The following KIF27 variants were observed in gnomAD, a reference collection of about 807,000 sequenced individuals.
KIF27 encodes the protein kinesin family member 27, also known as kinesin-like protein KIF27.
KIF27 carries 84 observed loss-of-function variants against 141.8 expected under a neutral mutation model. The observed-to-expected ratio is 0.59, with a 90% confidence interval of 0.50 to 0.71. KIF27 has a LOEUF of 0.71. Among genes scored for constraint, KIF27 ranks in the 30% least tolerant of loss-of-function variants. The pLI is 0.00. For synonymous variants in KIF27, 471 were observed against 569.5 expected, an observed-to-expected ratio of 0.83 and a Z score of 2.46; for missense variants, 1,306 against 1,628.4, an observed-to-expected ratio of 0.80 and a Z score of 3.41.
chr9:83,910,080 TAC>T lies in KIF27; in HGVS notation c.299-1430_299-1429del, dbSNP rs537682165. On this transcript the variant is annotated intron_variant, in intron 2 of 17. Coordinates refer to ENST00000297814, the MANE Select transcript of KIF27 (RefSeq NM_017576.4). ...ATACATACATACATACATACATACA[TAC>T]ATACGTACGTACTTACATACATAAT... Among the ~76,000 whole-genome samples the T allele has an allele frequency of 6.8e-3, 1,032 of 151,982 alleles. 5 individuals are homozygous for T. Among genetic ancestry groups the T allele is most frequent in the Non-Finnish European group, 0.011 (762 of 67,976 alleles).
At chr9:83,850,617 C>T (rs1948445700) in intron 15 of KIF27, among the ~76,000 whole-genome samples, 1 of 151,448 alleles carries the variant, frequency 6.6e-6, no homozygotes, top group African/African-American at 2.4e-5. Context: ...CCCGTCTCTA[C>T]TAAAAAATAT....
chr9:83,872,953 C>A (rs1159581716), intron 11 of KIF27, among the ~76,000 whole-genome samples: 1 of 152,158 alleles, frequency 6.6e-6, no homozygotes. Flanking sequence ...AGGAAAGAGA[C>A]CCCAGTTGGA....
intron 15 of KIF27, 93 bp from the exon 16 acceptor site, chr9:83,850,390 T>C: frequency 1.3e-6 from 1 of 744,388 alleles, no homozygotes; most frequent in Admixed American, 2.7e-5. Flanking sequence ...TGAACTTCCT[T>C]AATCTCCATA....
chr9:83,909,576 T>C (rs761623183), intron 2 of KIF27, among the ~76,000 whole-genome samples: 58 of 145,412 alleles, frequency 4.0e-4, no homozygotes, highest in Non-Finnish European at 7.1e-4. Flanking sequence ...ACAGTGCCAC[T>C]GTACTCCAGC....
At chr9:83,873,353 T>C (rs1331401346) in intron 11 of KIF27, among the ~76,000 whole-genome samples, 14 of 152,096 alleles carry the variant, frequency 9.2e-5, no homozygotes, top group African/African-American at 3.4e-4. Context: ...GAGAGAAGCA[T>C]AGGGAAGAGG....
chr9:83,868,577 C>G (rs1334064569), intron 12 of KIF27: 1 of 152,080 alleles, frequency 6.6e-6, no homozygotes, highest in Non-Finnish European at 1.5e-5. Context: ...GAAACAAATA[C>G]AAACATAAAT....
chr9:83,897,851 C>T (rs973394587), intron 5 of KIF27, among the ~76,000 whole-genome samples: 8 of 151,944 alleles, frequency 5.3e-5, no homozygotes, highest in African/African-American at 1.9e-4. Flanking sequence ...GAAAAAAATG[C>T]TCAACCTCAC....
chr9:83,899,972 G>GACTC (rs1953696087), intron 4 of KIF27, among the ~76,000 whole-genome samples, 168 bp from the exon 5 acceptor site: 1 of 152,186 alleles, frequency 6.6e-6, no homozygotes, highest in Non-Finnish European at 1.5e-5. Context: ...AAAGAGTTGA[G>GACTC]AGAACCTACC....
At position 83,915,309 on chromosome 9, in the gene KIF27, C is replaced by T; in HGVS notation, c.283G>A (p.Gly95Arg). The T allele has an allele frequency of 6.2e-7, 1 of 1,606,710 alleles. No individual in the cohort carries two copies. The highest frequency in any genetic ancestry group is 8.5e-7 in the Non-Finnish European group (1 of 1,176,368). ...AGAATCTTACCAATATGGCCCCCTC[C>T]AATGGTGTATGTCTTCCCAGATCCA... The part of the protein sequence containing the change: ...QTGSGKTYTI[G>R]GGHIASVVEG... Residue 95 changes from glycine to arginine, a missense_variant, in exon 2 of 18, where the codon GGA becomes AGA. By Grantham distance (125) the Gly-to-Arg change is moderately radical. Coordinates refer to ENST00000297814, the MANE Select transcript of KIF27 (RefSeq NM_017576.4).
chr9:83,919,626 G>C (rs1956055498), intron 1 of KIF27, among the ~76,000 whole-genome samples: 1 of 151,646 alleles, frequency 6.6e-6, no homozygotes, highest in South Asian at 2.1e-4. Flanking sequence ...CCAGCACGGT[G>C]GTTCACATCT....
At chr9:83,908,723 GTTAA>G (rs1954832279) in intron 2 of KIF27, 71 bp from the exon 3 acceptor site, 1 of 881,236 alleles carries the variant, frequency 1.1e-6, no homozygotes, top group Non-Finnish European at 1.7e-6. Context: ...CAAATTTATA[GTTAA>G]TTTATTTTAC....
chr9:83,868,768 T>C (rs1326499955), intron 12 of KIF27, among the ~76,000 whole-genome samples: 1 of 152,044 alleles, frequency 6.6e-6, no homozygotes, highest in Non-Finnish European at 1.5e-5. Context: ...TGAATATATA[T>C]GAGAAAAAGA....
chr9:83,897,475 C>CTA (rs1172872220), intron 5 of KIF27, among the ~76,000 whole-genome samples: 1 of 151,974 alleles, frequency 6.6e-6, no homozygotes, highest in Non-Finnish European at 1.5e-5. Flanking sequence ...TCCTGGAGGA[C>CTA]TATACAGCTA....
chr9:83,915,033 A>G (rs1955553110), intron 2 of KIF27, among the ~76,000 whole-genome samples: 1 of 152,202 alleles, frequency 6.6e-6, no homozygotes, highest in Non-Finnish European at 1.5e-5. Flanking sequence ...TCTGTTCAAA[A>G]TAACAAGGGC....
At chr9:83,858,994 G>C (rs1388020434) in intron 14 of KIF27, 162 bp downstream of exon 14, 1 of 638,910 alleles carries the variant, frequency 1.6e-6, no homozygotes, top group Non-Finnish European at 2.8e-6. Context: ...GTCCAGCGTG[G>C]TTTATGGTGC....
At chr9:83,890,614 T>C (rs1405240288) in intron 6 of KIF27, among the ~76,000 whole-genome samples, 1 of 152,212 alleles carries the variant, frequency 6.6e-6, no homozygotes, top group Non-Finnish European at 1.5e-5. Flanking sequence ...GCAAAGTCCA[T>C]GACACTGCTC....
At chr9:83,897,057 T>G (rs1588225524) in intron 5 of KIF27, among the ~76,000 whole-genome samples, 1 of 152,268 alleles carries the variant, frequency 6.6e-6, no homozygotes, top group Non-Finnish European at 1.5e-5. Context: ...ATTGTATATT[T>G]GAAGGGCTGC....
chr9:83,899,579 C>A (rs543719973), intron 5 of KIF27, 82 bp downstream of exon 5: 16 of 957,522 alleles, frequency 1.7e-5, no homozygotes, highest in Admixed American at 1.6e-4. Flanking sequence ...TTTAAGTTCC[C>A]ATTTATCATT....
intron 2 of KIF27, among the ~76,000 whole-genome samples, chr9:83,909,102 C>T (rs538691929): frequency 1.3e-5 from 2 of 152,262 alleles, no homozygotes; most frequent in South Asian, 2.1e-4. Flanking sequence ...AAAGAAATCC[C>T]TTCCCTGGTG....
Sources: allele counts gnomAD v4.1 joint callset (sites outside exome capture counted in the v4.1 genomes callset), GRCh38; gene constraint gnomAD v4.1.1; transcripts MANE v1.5; gene names NCBI Gene and HGNC (gene_info 2026-07-23, HGNC 2026-07-21).